Variants in DZIP1 observed in about 807,000 individuals in gnomAD.
DZIP1 encodes DAZ interacting zinc finger protein 1.
Under a neutral mutation model 107.6 loss-of-function variants are expected in DZIP1, and 97 were observed. The observed-to-expected ratio is 0.90, with a 90% confidence interval of 0.77 to 1.07. The LOEUF is 1.07. DZIP1 is among the 50% of genes least tolerant of loss of function. The probability of loss-of-function intolerance (pLI) is 0.00; values close to 1 mark genes in which losing one functional copy is unlikely to be tolerated. For missense variants in DZIP1, 1,035 were observed against 1,063.6 expected (o/e 0.97, Z 0.37); for synonymous variants, 390 against 386.4 (o/e 1.01, Z -0.11).
chr13:95,636,441 G>T (rs1442537314), intron 5 of DZIP1, among the ~76,000 whole-genome samples: 1 of 151,670 alleles, frequency 6.6e-6, no homozygotes, highest in Non-Finnish European at 1.5e-5. Flanking sequence ...TACTCGGGAG[G>T]CTGAGGCCGG....
chr13:95,609,549 C>T, intron 12 of DZIP1, 36 bp from the exon 13 acceptor site: 1 of 1,514,134 alleles, frequency 6.6e-7, no homozygotes, highest in Non-Finnish European at 8.9e-7. Flanking sequence ...CAAAAAACAT[C>T]ACAAGCTATG....
At chr13:95,603,953 C>T (rs763511248) in intron 14 of DZIP1, among the ~76,000 whole-genome samples, 14 of 152,220 alleles carry the variant, frequency 9.2e-5, no homozygotes, top group East Asian at 3.9e-4. Flanking sequence ...AGCTCACCCT[C>T]TCTTTGGGGC....
chr13:95,638,922 A>T (rs1469327129), intron 5 of DZIP1, among the ~76,000 whole-genome samples: 1 of 152,160 alleles, frequency 6.6e-6, no homozygotes, highest in Non-Finnish European at 1.5e-5. Context: ...TAGGCTTTGG[A>T]TTTTCTGTAT....
chr13:95,618,752 G>A lies in DZIP1; in HGVS notation c.1173+1133C>T, dbSNP rs116627760. Among the ~76,000 whole-genome samples, 520 of 152,104 alleles carry A rather than the reference G, an allele frequency of 3.4e-3. 5 individuals carry two copies. Among genetic ancestry groups the A allele is most frequent in the African/African-American group, 0.012 (480 of 41,492 alleles). On this transcript the variant is annotated intron_variant, in intron 10 of 22. Coordinates refer to ENST00000376829, the MANE Select transcript of DZIP1 (RefSeq NM_198968.4). ...CATACATATTATATGATCTTTTGTC[G>A]TTTAATATTCTACTAAGAAAGGTAA...
intron 11 of DZIP1, 56 bp from the exon 12 acceptor site, chr13:95,611,549 C>T: frequency 2.2e-6 from 3 of 1,339,432 alleles, no homozygotes; most frequent in Non-Finnish European, 3.2e-6. Context: ...GGGACACACA[C>T]ATGGGATAAT....
intron 10 of DZIP1, among the ~76,000 whole-genome samples, chr13:95,616,867 A>G (rs1194483583): frequency 6.6e-6 from 1 of 152,114 alleles, no homozygotes; most frequent in Non-Finnish European, 1.5e-5. Flanking sequence ...GGTTATGAAA[A>G]GGAAGATTAT....
intron 9 of DZIP1, among the ~76,000 whole-genome samples, chr13:95,620,438 T>A (rs1189718890): frequency 6.6e-6 from 1 of 152,236 alleles, no homozygotes; most frequent in Non-Finnish European, 1.5e-5. Context: ...ACAGCTGGTA[T>A]TTTTTAGAAT....
intron 5 of DZIP1, among the ~76,000 whole-genome samples, chr13:95,636,535 C>T (rs776176768): frequency 1.6e-5 from 2 of 126,072 alleles, no homozygotes; most frequent in Non-Finnish European, 3.3e-5. Flanking sequence ...CAAAACAAGA[C>T]CTTGACTCAA....
chr13:95,584,683 C>A lies in DZIP1; in HGVS notation c.2524+53G>T, dbSNP rs199727384. The A allele has an allele frequency of 3.9e-4, 605 of 1,553,058 alleles. 2 individuals carry two copies. The African/African-American group carries it at 7.0e-3, about 18-fold the overall frequency. ...TAATTAGATATTTATAAAGATGAAA[C>A]ACAACTAATAAGAAAATGGATCGAG... On this transcript the variant is annotated intron_variant, in intron 22 of 22. Transcript: ENST00000376829.
At position 95,641,790 on chromosome 13, in the gene DZIP1, G is replaced by T. The variant is rs746679354; in HGVS notation, c.102C>A (p.Ala34=). Residue 34 remains alanine, a synonymous_variant, in exon 5 of 23, where the codon GCC becomes GCA. Transcript: ENST00000376829. This position sits in a 1 kb window ranked among gnomAD's most constrained non-coding sequence, Gnocchi z 4.3. ...TGGAGGCCGCACCCGCGGCGGCGGC[G>T]GCCACAGCGACGTCGGGCCCCTCTG... The part of the protein sequence containing the change: ...SGPEGPDVAV[A]AAAAGAASMA... The T allele has an allele frequency of 5.9e-6, 9 of 1,513,988 alleles. No individual in the cohort carries two copies. In the Admixed American group the frequency reaches 1.6e-4, roughly 27 times the overall value. The allele number at this position is 1,513,988 out of a possible 1,614,324, so 93.8% of individuals were successfully genotyped here.
At chr13:95,638,600 A>G (rs914346838) in intron 5 of DZIP1, among the ~76,000 whole-genome samples, 1 of 151,996 alleles carries the variant, frequency 6.6e-6, no homozygotes, top group African/African-American at 2.4e-5. Context: ...GAGGAAAAAG[A>G]CCTTACACAT....
intron 22 of DZIP1, chr13:95,584,442 G>T: frequency 3.2e-6 from 1 of 313,126 alleles, no homozygotes; most frequent in Non-Finnish European, 4.7e-6. Flanking sequence ...GTTGCAGTGA[G>T]CCATGATGGC....
At chr13:95,639,515 C>T (rs1439852685) in intron 5 of DZIP1, among the ~76,000 whole-genome samples, 5 of 146,380 alleles carry the variant, frequency 3.4e-5, no homozygotes, top group African/African-American at 7.5e-5. Flanking sequence ...CGCTTGAACG[C>T]GGGAGAAGGA....
intron 16 of DZIP1, among the ~76,000 whole-genome samples, chr13:95,592,523 A>T (rs1253204187): frequency 6.6e-6 from 1 of 152,240 alleles, no homozygotes; most frequent in Non-Finnish European, 1.5e-5. Flanking sequence ...CTGAACTCTC[A>T]AACACCGTTA....
chr13:95,611,417 C>T (rs368054025), intron 12 of DZIP1, 28 bp downstream of exon 12: 15 of 1,605,322 alleles, frequency 9.3e-6, no homozygotes, highest in South Asian at 4.4e-5. Context: ...TTCCCCTTGC[C>T]GCCAGTACCG....
At chr13:95,605,963 C>T in intron 14 of DZIP1, 40 bp downstream of exon 14, 1 of 1,598,700 alleles carries the variant, frequency 6.3e-7, no homozygotes, top group East Asian at 2.2e-5. Context: ...CTCAGGGTGG[C>T]AACTGCACAT....
chr13:95,622,427 T>C lies in DZIP1; in HGVS notation c.1026A>G (p.Thr342=), dbSNP rs781530449. ...SNMQIKSNIG[T]LKDAHEFKED... Reference sequence around the variant, plus strand: ...CTTTAAACTCGTGTGCATCTTTTAATGTGCCTATGTTGGACTTGATCTGCA... The same window carrying C: ...CTTTAAACTCGTGTGCATCTTTTAACGTGCCTATGTTGGACTTGATCTGCA... The change falls in exon 9 of 23, where the codon ACA becomes ACG. Residue 342 remains threonine, a synonymous_variant. Transcript: ENST00000376829. The C allele has an allele frequency of 1.4e-5, 23 of 1,614,128 alleles. No homozygotes were observed. Among genetic ancestry groups the C allele is most frequent in the African/African-American group, 2.7e-5 (2 of 74,954 alleles).
chr13:95,604,116 C>T (rs1484506977), intron 14 of DZIP1, among the ~76,000 whole-genome samples: 1 of 152,186 alleles, frequency 6.6e-6, no homozygotes, highest in Non-Finnish European at 1.5e-5. Flanking sequence ...ACGTTCCCTT[C>T]GCCCAACCCT....
intron 10 of DZIP1, among the ~76,000 whole-genome samples, chr13:95,616,767 G>A (rs988024025): frequency 6.6e-6 from 1 of 152,204 alleles, no homozygotes; most frequent in Admixed American, 6.5e-5. Context: ...GGTCTGAGGA[G>A]AACCTCCATT....
Sources: gnomAD v4.1 joint callset for allele counts (sites outside exome capture counted in the v4.1 genomes callset) on GRCh38, gnomAD v4.1.1 for gene constraint, Gnocchi (gnomAD v3.1) non-coding constraint, MANE v1.5 for transcripts, NCBI Gene and HGNC (gene_info 2026-07-23, HGNC 2026-07-21) for gene names.